MROH7: variants seen among roughly 807,000 people sequenced by gnomAD.
MROH7 encodes maestro heat-like repeat-containing protein family member 7.
MROH7 carries 113 observed loss-of-function variants against 129.2 expected under a neutral mutation model. That is an observed-to-expected ratio of 0.87 (90% CI 0.75 to 1.02). MROH7 has a LOEUF of 1.02. MROH7 is among the 50% of genes least tolerant of loss of function. The pLI, the probability that MROH7 is intolerant of heterozygous loss-of-function variation, is 0.00. For synonymous variants in MROH7, 655 were observed against 667.9 expected, an observed-to-expected ratio of 0.98 and a Z score of 0.30; for missense variants, 1,601 against 1,671.3, an observed-to-expected ratio of 0.96 and a Z score of 0.73.
At chr1:54,690,443 T>G (rs1645215522) in intron 15 of MROH7, among the ~76,000 whole-genome samples, 2 of 151,692 alleles carry the variant, frequency 1.3e-5, no homozygotes, top group Non-Finnish European at 2.9e-5. Flanking sequence ...CAGAAGTTTT[T>G]TTTTTTTTCC....
intron 17 of MROH7, chr1:54,698,710 G>C (rs1253920679): frequency 6.6e-6 from 1 of 152,380 alleles, no homozygotes; most frequent in South Asian, 2.1e-4. Context: ...TGTGCAGCTT[G>C]GACGATGGGG....
chr1:54,695,164 T>C (rs2101185000), intron 16 of MROH7, among the ~76,000 whole-genome samples: 1 of 152,332 alleles, frequency 6.6e-6, no homozygotes, highest in African/African-American at 2.4e-5. Context: ...GGCAAGTCTC[T>C]TTCCCATTCT....
At chr1:54,705,290 A>G (rs1160240996) in intron 21 of MROH7, among the ~76,000 whole-genome samples, 2 of 152,166 alleles carry the variant, frequency 1.3e-5, no homozygotes, top group African/African-American at 4.8e-5. Flanking sequence ...CTGGTAACCT[A>G]TTCATTCATT....
Position 54,686,377 on chromosome 1 carries a change from C to G in MROH7, c.2640C>G (p.Asn880Lys). 1 of 1,614,204 alleles carries G rather than the reference C, an allele frequency of 6.2e-7. No individual in the cohort carries two copies. The highest frequency in any genetic ancestry group is 8.5e-7 in the Non-Finnish European group (1 of 1,180,042). The change falls in exon 15 of 24, where the codon AAC (asparagine) becomes AAG (lysine). Residue 880 changes from asparagine to lysine, a missense_variant. Transcript: ENST00000421030. ...LIQVHYHIGL[N>K]LPGCVAPPKD... ...AGGTCCATTACCACATCGGCCTCAA[C>G]CTGCCTGGCTGCGTGGCTCCTCCCA...
At chr1:54,700,700 G>A (rs986397411) in intron 18 of MROH7, among the ~76,000 whole-genome samples, 1 of 152,224 alleles carries the variant, frequency 6.6e-6, no homozygotes, top group Non-Finnish European at 1.5e-5. Context: ...TGTATAGGAA[G>A]GGCAAAGGGT....
rs777333204 is a variant in MROH7 at position 54,653,055 on chromosome 1, G to T, written c.129G>T (p.Gln43His). 4 of 1,614,194 alleles carry T rather than the reference G, an allele frequency of 2.5e-6. No homozygotes were observed. In the East Asian group the frequency reaches 6.7e-5, roughly 27 times the overall value. ...CTCAGCCCCACCCAGACATGGCTCA[G>T]GTGCCTATGTTGAATCTGCTCCCAA... is the stretch of plus-strand genomic sequence containing the variant. ...TIPQPHPDMA[Q>H]VPMLNLLPSP... The change falls in exon 3 of 24, where the codon CAG (glutamine) becomes CAT (histidine). Residue 43 changes from glutamine (Q) to histidine (H), a missense_variant. Coordinates refer to ENST00000421030, the MANE Select transcript of MROH7 (RefSeq NM_001039464.4).
In MROH7 at chr1:54,678,800, C is replaced by G. The variant is rs775976584; in HGVS notation, c.1995C>G (p.Phe665Leu). Residue 665 changes from phenylalanine (F) to leucine (L), a missense_variant, in exon 11 of 24, where the codon TTC becomes TTG. Transcript: ENST00000421030. ...AGCTATATGAGAGCAACAAGCATTT[C>G]CTGGGGCCCTACAACCCTGTGAGCC... is the stretch of plus-strand genomic sequence containing the variant. Reference protein sequence around the residue: ...KKELYESNKHFLGPYNPVSPC... With the variant: ...KKELYESNKHLLGPYNPVSPC... 8 of 1,614,012 alleles carry G rather than the reference C, an allele frequency of 5.0e-6. No homozygotes were observed. The highest frequency in any genetic ancestry group is 6.8e-6 in the Non-Finnish European group (8 of 1,180,032).
chr1:54,702,868 G>C (rs1645463044), intron 21 of MROH7, 123 bp downstream of exon 21: 1 of 1,188,500 alleles, frequency 8.4e-7, no homozygotes. Context: ...CAAGTTGTTG[G>C]TTCTGGAACG....
intron 10 of MROH7, among the ~76,000 whole-genome samples, chr1:54,676,193 TTTTA>T (rs900704984): frequency 6.6e-6 from 1 of 152,142 alleles, no homozygotes; most frequent in Admixed American, 6.5e-5. Flanking sequence ...TACTCTTAGA[TTTTA>T]TTTATTTTTT....
At chr1:54,694,408 T>C (rs1323593420) in intron 16 of MROH7, among the ~76,000 whole-genome samples, 1 of 152,252 alleles carries the variant, frequency 6.6e-6, no homozygotes, top group African/African-American at 2.4e-5. Flanking sequence ...CTGCCAGGCC[T>C]GTTAAAACAC....
chr1:54,689,161 G>A (rs1482054804), intron 15 of MROH7, among the ~76,000 whole-genome samples: 1 of 152,168 alleles, frequency 6.6e-6, no homozygotes, highest in Non-Finnish European at 1.5e-5. Flanking sequence ...GGTCCTCCTG[G>A]ATTAACCATG....
Position 54,703,874 on chromosome 1 carries a change from A to T in MROH7, c.3564+1129A>T, listed in dbSNP as rs1383453177. Among the ~76,000 whole-genome samples, 1 of 152,176 alleles carries T rather than the reference A, an allele frequency of 6.6e-6. No individual in the cohort carries two copies. The highest frequency in any genetic ancestry group is 2.4e-5 in the African/African-American group (1 of 41,436). On this transcript the variant is annotated intron_variant, in intron 21 of 23. Coordinates refer to ENST00000421030, the MANE Select transcript of MROH7 (RefSeq NM_001039464.4). This position sits in a 1 kb window ranked among gnomAD's most constrained non-coding sequence, Gnocchi z 4.4. ...GTAGCTTCAGCACAGGCCTCAGCCA[A>T]CACTGCCACGAGATTCCCAAATTTG...
chr1:54,701,449 G>A, intron 19 of MROH7, 127 bp downstream of exon 19: 1 of 733,954 alleles, frequency 1.4e-6, no homozygotes, highest in Non-Finnish European at 2.1e-6. Flanking sequence ...TACTGGGAGA[G>A]GAACTTTGTC....
chr1:54,704,736 A>G (rs10888868), intron 21 of MROH7, among the ~76,000 whole-genome samples: 51,019 of 145,270 alleles, frequency 0.35, 9,083 homozygotes, highest in East Asian at 0.47. Context: ...GTGAACCACT[A>G]TGCCTGGTCA....
intron 4 of MROH7, among the ~76,000 whole-genome samples, 184 bp from the exon 5 acceptor site, chr1:54,668,670 C>T (rs562550790): frequency 2.4e-4 from 37 of 152,262 alleles, no homozygotes; most frequent in Admixed American, 2.0e-3. Context: ...ACTCCTCCAA[C>T]CCCTCAATAT....
chr1:54,681,857 A>C (rs569649047), intron 13 of MROH7, among the ~76,000 whole-genome samples: 1 of 152,314 alleles, frequency 6.6e-6, no homozygotes, highest in Admixed American at 6.5e-5. Flanking sequence ...TGAAGACATC[A>C]GGCCTGGCCA....
rs1194640904 is a variant in MROH7 at position 54,673,753 on chromosome 1, T to C, written c.1748T>C (p.Val583Ala). 6.2e-7 allele frequency: 1 copy of C among 1,614,092 alleles called. No individual in the cohort carries two copies. The highest frequency in any genetic ancestry group is 8.5e-7 in the Non-Finnish European group (1 of 1,180,048). ...AAGGCCCATGAGCGAGCACGGGCTG[T>C]GAACACCAATGTCTCTGTGTTGAAC... ...SGKAHERARA[V>A]NTNVSVLNHM... is the part of the protein sequence containing the mutation. Residue 583 changes from valine (V) to alanine (A), a missense_variant, in exon 9 of 24, where the codon GTG becomes GCG. By Grantham distance (64) the Val-to-Ala change is moderately conservative. Transcript: ENST00000421030.
At chr1:54,679,641 G>A (rs767709525) in intron 12 of MROH7, among the ~76,000 whole-genome samples, 1 of 152,328 alleles carries the variant, frequency 6.6e-6, no homozygotes, top group East Asian at 1.9e-4. Context: ...CCCTGAAGGA[G>A]CTCAACTGAC....
Position 54,706,513 on chromosome 1 carries a change from C to T in MROH7, c.3643C>T (p.Arg1215Trp), listed in dbSNP as rs780693038. 1.7e-5 allele frequency: 27 copies of T among 1,613,422 alleles called. No individual in the cohort carries two copies. The highest frequency in any genetic ancestry group is 1.5e-4 in the African/African-American group (11 of 74,862). The change falls in exon 22 of 24, where the codon CGG (arginine) becomes TGG (tryptophan). Residue 1215 changes from arginine to tryptophan, a missense_variant. Physicochemically the swap from Arg to Trp is moderately radical, Grantham distance 101 (BLOSUM62 -3). Coordinates refer to ENST00000421030, the MANE Select transcript of MROH7 (RefSeq NM_001039464.4). ...EYAKNSRASLRKCSVMFIGSL... is the reference protein window; with the variant it reads ...EYAKNSRASLWKCSVMFIGSL... ...TGCCAAGAACTCACGGGCCTCCCTCCGGAAGTGCTCAGTCATGTTCATAGG... is the reference window on the plus strand; with the variant it reads ...TGCCAAGAACTCACGGGCCTCCCTCTGGAAGTGCTCAGTCATGTTCATAGG...
Sources: allele counts gnomAD v4.1 joint callset (sites outside exome capture counted in the v4.1 genomes callset), GRCh38; gene constraint gnomAD v4.1.1; non-coding constraint Gnocchi (gnomAD v3.1); transcripts MANE v1.5; gene names NCBI Gene and HGNC (gene_info 2026-07-23, HGNC 2026-07-21).